GRIK3: variants seen among roughly 807,000 people sequenced by gnomAD.
The protein encoded by GRIK3 is glutamate receptor ionotropic, kainate 3.
GRIK3 carries 29 observed loss-of-function variants against 102.5 expected under a neutral mutation model. The observed-to-expected ratio is 0.28, with a 90% CI of 0.21 to 0.39. GRIK3 has a LOEUF of 0.39. Among genes scored for constraint, GRIK3 ranks in the 10% least tolerant of loss-of-function variants. GRIK3 has a pLI of 1.00. For synonymous variants in GRIK3, 511 were observed against 504.9 expected (o/e 1.01, Z -0.16); for missense variants, 908 against 1,252.4 (o/e 0.73, Z 4.15).
intron 10 of GRIK3, among the ~76,000 whole-genome samples, chr1:36,837,774 C>T (rs1356067010): frequency 6.6e-6 from 1 of 152,186 alleles, no homozygotes; most frequent in East Asian, 1.9e-4. Flanking sequence ...CTCTGCACTC[C>T]CCAAGTGGGC....
At chr1:36,987,143 C>A (rs1642314759) in intron 1 of GRIK3, among the ~76,000 whole-genome samples, 1 of 152,222 alleles carries the variant, frequency 6.6e-6, no homozygotes. Context: ...CAAAGTCAAG[C>A]CAGTGGGTTG....
intron 2 of GRIK3, among the ~76,000 whole-genome samples, chr1:36,887,771 A>ATATATAT (rs1299959084): frequency 1.2e-4 from 13 of 106,734 alleles, no homozygotes; most frequent in African/African-American, 4.6e-4. Context: ...AAAAAAAAAA[A>ATATATAT]ATATATATAT....
chr1:36,839,537 G>A (rs1252772300), intron 10 of GRIK3, among the ~76,000 whole-genome samples: 6 of 152,130 alleles, frequency 3.9e-5, no homozygotes, highest in African/African-American at 1.4e-4. Context: ...CCAAGGAATA[G>A]TTGTAAGGAT....
chr1:36,962,086 G>A (rs917771219), intron 1 of GRIK3, among the ~76,000 whole-genome samples: 3 of 152,142 alleles, frequency 2.0e-5, no homozygotes, highest in Non-Finnish European at 2.9e-5. Context: ...CTGAGTGATG[G>A]GCAGTTGCTG....
chr1:37,017,205 A>G (rs1251217075), intron 1 of GRIK3, among the ~76,000 whole-genome samples: 2 of 135,030 alleles, frequency 1.5e-5, no homozygotes, highest in Non-Finnish European at 3.2e-5. Flanking sequence ...ACAGAGTGAG[A>G]CTTTGTCTCA....
chr1:36,976,877 T>A (rs1642201661), intron 1 of GRIK3, among the ~76,000 whole-genome samples: 1 of 151,966 alleles, frequency 6.6e-6, no homozygotes, highest in African/African-American at 2.4e-5. Context: ...CTGAAACACA[T>A]CCCTCTGCCA....
intron 2 of GRIK3, among the ~76,000 whole-genome samples, chr1:36,888,159 T>C (rs190717510): frequency 5.9e-4 from 90 of 152,062 alleles, no homozygotes; most frequent in Non-Finnish European, 1.1e-3. Flanking sequence ...GTAACAAAAG[T>C]GAAATGGATT....
rs1640571259 is a variant in GRIK3 at position 36,850,498 on chromosome 1, T to C, written c.1213-74A>G. ...ATCTTCCTCCATATCGACAAGACCT[T>C]CATCTCATTCCCATTCATCATGAGC... On this transcript the variant is annotated intron_variant, in intron 8 of 15. Coordinates refer to ENST00000373091, the MANE Select transcript of GRIK3 (RefSeq NM_000831.4). The surrounding 1 kb of genome is among the most constrained non-coding windows in gnomAD (Gnocchi z 4.0). 7.3e-6 allele frequency: 6 copies of C among 822,984 alleles called. No individual in the cohort carries two copies. Among genetic ancestry groups the C allele is most frequent in the African/African-American group, 1.7e-5 (1 of 60,342 alleles). The allele number at this position is 822,984 out of a possible 1,614,324, so 51.0% of individuals were successfully genotyped here. A position where few individuals can be genotyped will look rare whatever the true frequency, so the allele number is the denominator to read the frequency against.
intron 1 of GRIK3, among the ~76,000 whole-genome samples, chr1:36,971,685 G>A (rs1642143256): frequency 6.6e-6 from 1 of 152,194 alleles, no homozygotes; most frequent in Non-Finnish European, 1.5e-5. Context: ...ATCCCAGGGA[G>A]GCTTCTGGGT....
At chr1:36,835,538 T>C (rs918690266) in intron 10 of GRIK3, among the ~76,000 whole-genome samples, 6 of 152,156 alleles carry the variant, frequency 3.9e-5, no homozygotes, top group Non-Finnish European at 8.8e-5. Flanking sequence ...CTTCTCCACA[T>C]CCCTTGCCCT....
intron 2 of GRIK3, among the ~76,000 whole-genome samples, 155 bp from the exon 3 acceptor site, chr1:36,881,046 T>A (rs1640971334): frequency 6.6e-6 from 1 of 152,072 alleles, no homozygotes; most frequent in African/African-American, 2.4e-5. Context: ...AGTTTCCTCA[T>A]CTGAAAACAG....
rs754328068 is a variant in GRIK3 at position 36,868,438 on chromosome 1, G to A, written c.786+1310C>T. ...GTCTGAGCCCTGGATCAGGAGAATC[G>A]CAGGGTGGCTCCTGAGCTCTGCTGT... On this transcript the variant is annotated intron_variant, in intron 5 of 15. Coordinates refer to ENST00000373091, the MANE Select transcript of GRIK3 (RefSeq NM_000831.4). Among the ~76,000 whole-genome samples, 6 of 152,308 alleles carry A rather than the reference G, an allele frequency of 3.9e-5. No individual in the cohort carries two copies. The East Asian group carries it at 7.7e-4, about 20-fold the overall frequency.
At chr1:36,952,679 G>A (rs567826436) in intron 1 of GRIK3, among the ~76,000 whole-genome samples, 18 of 152,326 alleles carry the variant, frequency 1.2e-4, no homozygotes, top group African/African-American at 4.3e-4. Flanking sequence ...TTAGAGTTTG[G>A]TGGGGCAAAC....
At chr1:37,027,725 A>C (rs1642778111) in intron 1 of GRIK3, among the ~76,000 whole-genome samples, 1 of 152,188 alleles carries the variant, frequency 6.6e-6, no homozygotes. Flanking sequence ...AACCCTTCTG[A>C]CCATGCCTGT....
At chr1:36,891,995 T>C (rs778555944) in intron 1 of GRIK3, among the ~76,000 whole-genome samples, 1 of 152,084 alleles carries the variant, frequency 6.6e-6, no homozygotes, top group Non-Finnish European at 1.5e-5. Flanking sequence ...AAATGAGAAG[T>C]GTGCAGTTCC....
In GRIK3 at chr1:36,799,184, C is replaced by G. The variant is rs2124170086; in HGVS notation, c.*2667G>C. On this transcript the variant is annotated 3_prime_UTR_variant, in exon 16 of 16. Transcript: ENST00000373091. ...CAGGACATGATGTCCACAGCAAAGGCATCAGCAGCATGAGCCCCTGAAGGG... is the reference window on the plus strand; with the variant it reads ...CAGGACATGATGTCCACAGCAAAGGGATCAGCAGCATGAGCCCCTGAAGGG... 6.6e-6 allele frequency: 1 copy of G among 152,364 alleles called. No homozygotes were observed. The highest frequency in any genetic ancestry group is 1.9e-4 in the East Asian group (1 of 5,186). The allele number at this position is 152,364 out of a possible 1,614,324, so 9.4% of individuals were successfully genotyped here. A position where few individuals can be genotyped will look rare whatever the true frequency, so the allele number is the denominator to read the frequency against.
intron 12 of GRIK3, among the ~76,000 whole-genome samples, chr1:36,818,021 TTAAC>T (rs1226286648): frequency 1.3e-5 from 2 of 152,184 alleles, no homozygotes; most frequent in African/African-American, 4.8e-5. Flanking sequence ...ACTGAAGTAA[TTAAC>T]TAGGTGGCTT....
intron 1 of GRIK3, among the ~76,000 whole-genome samples, chr1:36,933,864 T>A (rs1279144704): frequency 3.9e-5 from 6 of 152,166 alleles, no homozygotes; most frequent in Admixed American, 3.9e-4. Flanking sequence ...TGCCCTCTCT[T>A]CGACCTTCTG....
At chr1:37,030,775 A>G (rs958217480) in intron 1 of GRIK3, among the ~76,000 whole-genome samples, 1 of 152,040 alleles carries the variant, frequency 6.6e-6, no homozygotes, top group African/African-American at 2.4e-5. Context: ...CATGAAACCT[A>G]CAATGGCATA....
Sources: gnomAD v4.1 joint callset for allele counts (sites outside exome capture counted in the v4.1 genomes callset) on GRCh38, gnomAD v4.1.1 for gene constraint, Gnocchi (gnomAD v3.1) non-coding constraint, MANE v1.5 for transcripts, NCBI Gene and HGNC (gene_info 2026-07-23, HGNC 2026-07-21) for gene names.